RWDD1: variants seen among roughly 807,000 people sequenced by gnomAD.
The protein encoded by RWDD1 is RWD domain-containing protein 1.
Under a neutral mutation model 31.6 loss-of-function variants are expected in RWDD1, and 17 were observed. The ratio of observed to expected loss-of-function variants is 0.54; its 90% CI spans 0.37 to 0.81. The LOEUF is 0.81. Ranked by LOEUF, RWDD1 falls within the 30% of genes least tolerant of loss-of-function variation. The probability of loss-of-function intolerance (pLI) is 0.00; values close to 1 mark genes in which losing one functional copy is unlikely to be tolerated. For synonymous variants in RWDD1, 78 were observed against 94.2 expected (o/e 0.83, Z 0.99); for missense variants, 204 against 274.5 (o/e 0.74, Z 1.82).
At chr6:116,592,596 T>G (rs571773574) in intron 6 of RWDD1, among the ~76,000 whole-genome samples, 8 of 152,308 alleles carry the variant, frequency 5.3e-5, no homozygotes, top group African/African-American at 1.7e-4. Flanking sequence ...ATGGCTGAGC[T>G]TTAACGATGT....
At chr6:116,591,721 C>G (rs757221481) in intron 6 of RWDD1, among the ~76,000 whole-genome samples, 1 of 152,254 alleles carries the variant, frequency 6.6e-6, no homozygotes, top group Non-Finnish European at 1.5e-5. Flanking sequence ...GCTCCATACT[C>G]AGTCACACCT....
At chr6:116,585,509 G>C (rs1471924905) in intron 3 of RWDD1, among the ~76,000 whole-genome samples, 2 of 152,160 alleles carry the variant, frequency 1.3e-5, no homozygotes, top group African/African-American at 4.8e-5. Context: ...AGAGTAGAGA[G>C]TAGGGAGGGG....
chr6:116,584,126 G>A (rs1774996163), intron 2 of RWDD1, among the ~76,000 whole-genome samples: 1 of 152,162 alleles, frequency 6.6e-6, no homozygotes, highest in South Asian at 2.1e-4. Flanking sequence ...GCACTGACAC[G>A]CCCATAAGAG....
chr6:116,582,522 A>G lies in RWDD1; in HGVS notation c.139+2162A>G, dbSNP rs141728301. Among the ~76,000 whole-genome samples the G allele has an allele frequency of 2.3e-3, 344 of 152,198 alleles. 2 individuals are homozygous for G. The highest frequency in any genetic ancestry group is 7.9e-3 in the African/African-American group (329 of 41,568). On this transcript the variant is annotated intron_variant, in intron 2 of 6. Transcript: ENST00000466444. ...TCTAATCTCTTGGCAGTTTTTAAGTATACAGTACATTATTCTTAGCTGTAG... is the reference window on the plus strand; with the variant it reads ...TCTAATCTCTTGGCAGTTTTTAAGTGTACAGTACATTATTCTTAGCTGTAG...
chr6:116,593,080 A>G lies in RWDD1; in HGVS notation c.711A>G (p.Pro237=). ...EDDPDYNPAD[P]ESDSAD ...ATCCAGACTATAATCCTGCTGACCC[A>G]GAGAGTGACTCAGCTGACTAATGGA... is the stretch of plus-strand genomic sequence containing the variant. Residue 237 remains proline (P), a synonymous_variant, in exon 7 of 7, where the codon CCA becomes CCG. Transcript: ENST00000466444. The G allele has an allele frequency of 6.2e-7, 1 of 1,613,980 alleles. No homozygotes were observed. The highest frequency in any genetic ancestry group is 8.5e-7 in the Non-Finnish European group (1 of 1,179,972).
intron 1 of RWDD1, among the ~76,000 whole-genome samples, chr6:116,576,116 T>G (rs1235948117): frequency 6.6e-6 from 1 of 152,244 alleles, no homozygotes; most frequent in East Asian, 1.9e-4. Context: ...CACGTTTTTT[T>G]CTCTATAGTG....
intron 1 of RWDD1, among the ~76,000 whole-genome samples, chr6:116,574,357 T>A (rs758083309): frequency 6.6e-6 from 1 of 152,202 alleles, no homozygotes; most frequent in Non-Finnish European, 1.5e-5. Flanking sequence ...CCATTCACAT[T>A]TGACAGTTAT....
chr6:116,581,858 G>A (rs192494260), intron 2 of RWDD1, among the ~76,000 whole-genome samples: 1 of 152,038 alleles, frequency 6.6e-6, no homozygotes, highest in East Asian at 1.9e-4. Flanking sequence ...TCTAAGCACA[G>A]TATCATAATA....
At chr6:116,584,247 C>T (rs1166633292) in intron 2 of RWDD1, among the ~76,000 whole-genome samples, 2 of 152,178 alleles carry the variant, frequency 1.3e-5, no homozygotes, top group East Asian at 1.9e-4. Flanking sequence ...TTTATACTCT[C>T]GAGGTCTAAA....
At chr6:116,580,787 T>C (rs1026915754) in intron 2 of RWDD1, among the ~76,000 whole-genome samples, 2 of 152,114 alleles carry the variant, frequency 1.3e-5, no homozygotes, top group Non-Finnish European at 2.9e-5. Context: ...TGGGGCTGGA[T>C]ATATGTCTGT....
At chr6:116,583,708 GA>G (rs895471051) in intron 2 of RWDD1, among the ~76,000 whole-genome samples, 6 of 149,584 alleles carry the variant, frequency 4.0e-5, no homozygotes, top group Admixed American at 6.6e-5. Flanking sequence ...AAATAAAATG[GA>G]AAAAAAAATC....
intron 1 of RWDD1, among the ~76,000 whole-genome samples, chr6:116,572,208 T>C (rs1002070141): frequency 6.6e-6 from 1 of 151,872 alleles, no homozygotes; most frequent in African/African-American, 2.4e-5. Flanking sequence ...TAATGGATAA[T>C]GTGGCCCAAA....
chr6:116,578,771 G>C (rs1432165318), intron 1 of RWDD1, among the ~76,000 whole-genome samples: 1 of 152,114 alleles, frequency 6.6e-6, no homozygotes, highest in African/African-American at 2.4e-5. Context: ...AATCTACTGA[G>C]TCTTTTATCT....
intron 6 of RWDD1, among the ~76,000 whole-genome samples, chr6:116,591,594 G>A (rs1459949298): frequency 2.0e-5 from 3 of 152,148 alleles, no homozygotes; most frequent in Non-Finnish European, 4.4e-5. Context: ...ATCCATCATC[G>A]ATTCATTCAG....
At chr6:116,589,350 T>C (rs1775099062) in intron 4 of RWDD1, among the ~76,000 whole-genome samples, 2 of 151,886 alleles carry the variant, frequency 1.3e-5, no homozygotes, top group Non-Finnish European at 2.9e-5. Flanking sequence ...GCTGATGAGC[T>C]AAAAAAAATT....
Position 116,595,492 on chromosome 6 carries a change from C to T in RWDD1, c.*2391C>T, listed in dbSNP as rs1231039583. On this transcript the variant is annotated 3_prime_UTR_variant, in exon 7 of 7. Coordinates refer to ENST00000466444, the MANE Select transcript of RWDD1 (RefSeq NM_015952.4). Reference sequence around the variant, plus strand: ...ATACTCTCAGGTTGCAATAGCATGACGAGTGGTATTTGAAGCAATAATTGT... The same window carrying T: ...ATACTCTCAGGTTGCAATAGCATGATGAGTGGTATTTGAAGCAATAATTGT... 7.9e-5 allele frequency: 12 copies of T among 152,260 alleles called. No individual in the cohort carries two copies. Among genetic ancestry groups the T allele is most frequent in the South Asian group, 2.1e-4 (1 of 4,820 alleles). 9.4% of individuals were successfully genotyped at this position (152,260 alleles called of 1,614,324 possible).
At chr6:116,592,399 C>T (rs1387505856) in intron 6 of RWDD1, among the ~76,000 whole-genome samples, 1 of 152,110 alleles carries the variant, frequency 6.6e-6, no homozygotes, top group Non-Finnish European at 1.5e-5. Flanking sequence ...TAGACAGAGC[C>T]AGTTATTCTT....
At chr6:116,572,048 CTG>C (rs1165147802) in intron 1 of RWDD1, among the ~76,000 whole-genome samples, 5 of 152,038 alleles carry the variant, frequency 3.3e-5, no homozygotes, top group African/African-American at 9.6e-5. Flanking sequence ...AAGGTAGAAA[CTG>C]TTTTTCATAC....
chr6:116,572,766 C>T, intron 1 of RWDD1: 1 of 788,792 alleles, frequency 1.3e-6, no homozygotes, highest in South Asian at 5.8e-5. Flanking sequence ...ATTCCAACCC[C>T]TCTCCCTTTC....
Sources: gnomAD v4.1 joint callset for allele counts (sites outside exome capture counted in the v4.1 genomes callset) on GRCh38, gnomAD v4.1.1 for gene constraint, MANE v1.5 for transcripts, NCBI Gene and HGNC (gene_info 2026-07-23, HGNC 2026-07-21) for gene names.